Variants in ATXN7 observed in about 807,000 individuals in gnomAD.
ATXN7 encodes ataxin 7.
A neutral mutation model predicts 70.5 loss-of-function variants in ATXN7; 12 were observed. The ratio of observed to expected loss-of-function variants is 0.17; its 90% CI spans 0.11 to 0.28. The LOEUF (loss-of-function observed/expected upper bound fraction) is 0.28. ATXN7 is among the 10% of genes least tolerant of loss of function. ATXN7 has a pLI of 1.00. For synonymous variants in ATXN7, 498 were observed against 448.7 expected (o/e 1.11, Z -1.39); for missense variants, 1,256 against 1,131.7 (o/e 1.11, Z -1.58).
intron 5 of ATXN7, among the ~76,000 whole-genome samples, chr3:63,974,507 C>T (rs1053124849): frequency 6.6e-6 from 1 of 152,236 alleles, no homozygotes; most frequent in African/African-American, 2.4e-5. Flanking sequence ...TGGAGTCAGC[C>T]TGCCTGGGAT....
chr3:63,943,440 G>T (rs994560942), intron 4 of ATXN7, among the ~76,000 whole-genome samples: 4 of 152,190 alleles, frequency 2.6e-5, no homozygotes, highest in Non-Finnish European at 4.4e-5. Context: ...TGTAGAGTGG[G>T]CCCTGGTAAG....
chr3:63,916,425 C>A (rs73834137), intron 4 of ATXN7, among the ~76,000 whole-genome samples: 2 of 152,194 alleles, frequency 1.3e-5, no homozygotes, highest in African/African-American at 4.8e-5. Flanking sequence ...ATCATTTACA[C>A]GTCCCCACCC....
At chr3:63,875,003 T>A (rs531470729) in intron 1 of ATXN7, among the ~76,000 whole-genome samples, 2 of 152,200 alleles carry the variant, frequency 1.3e-5, no homozygotes, top group Admixed American at 1.3e-4. Flanking sequence ...CCTGGACCTC[T>A]TTCGTAATGG....
intron 5 of ATXN7, among the ~76,000 whole-genome samples, chr3:63,977,645 G>C (rs1337222060): frequency 6.6e-6 from 1 of 152,156 alleles, no homozygotes; most frequent in Non-Finnish European, 1.5e-5. Flanking sequence ...GAGGTGCCCT[G>C]CTTCACTCTG....
chr3:63,951,568 T>G (rs992098182), intron 4 of ATXN7, among the ~76,000 whole-genome samples: 3 of 152,262 alleles, frequency 2.0e-5, no homozygotes, highest in Non-Finnish European at 4.4e-5. Flanking sequence ...AAAAGTTAGA[T>G]TCTGGATCTG....
At chr3:63,871,428 C>CTTGG (rs1274853939) in intron 1 of ATXN7, among the ~76,000 whole-genome samples, 1 of 151,974 alleles carries the variant, frequency 6.6e-6, no homozygotes, top group Non-Finnish European at 1.5e-5. Flanking sequence ...GCAATATGAA[C>CTTGG]CCAAAGTCAT....
At chr3:63,958,845 A>G (rs1342277535) in intron 5 of ATXN7, among the ~76,000 whole-genome samples, 1 of 152,200 alleles carries the variant, frequency 6.6e-6, no homozygotes, top group Non-Finnish European at 1.5e-5. Context: ...TCATTCACAC[A>G]GATAAAATAT....
chr3:63,876,581 A>G (rs979201855), intron 1 of ATXN7, among the ~76,000 whole-genome samples: 59 of 152,214 alleles, frequency 3.9e-4, no homozygotes, highest in Non-Finnish European at 3.5e-4. Flanking sequence ...ATTATAGATT[A>G]TGAGGAAAGC....
At chr3:63,887,369 C>T (rs1703120614) in intron 1 of ATXN7, among the ~76,000 whole-genome samples, 1 of 152,046 alleles carries the variant, frequency 6.6e-6, no homozygotes, top group African/African-American at 2.4e-5. Flanking sequence ...TTAATTTAGC[C>T]AGAGAGATGT....
chr3:63,906,624 T>C (rs1703848262), intron 2 of ATXN7, among the ~76,000 whole-genome samples: 1 of 152,208 alleles, frequency 6.6e-6, no homozygotes, highest in Non-Finnish European at 1.5e-5. Context: ...AGTTCCCATG[T>C]ATGTGCTTAG....
chr3:63,912,377 C>A (rs564169798), intron 2 of ATXN7, among the ~76,000 whole-genome samples: 1 of 151,334 alleles, frequency 6.6e-6, no homozygotes, highest in East Asian at 2.0e-4. Flanking sequence ...CCGCGGGAGT[C>A]GAAAGCGAAA....
At chr3:63,966,955 TTTG>T (rs1248661414) in intron 5 of ATXN7, among the ~76,000 whole-genome samples, 3 of 152,210 alleles carry the variant, frequency 2.0e-5, no homozygotes, top group Non-Finnish European at 4.4e-5. Context: ...GTGGGGATTT[TTTG>T]TTGTTGTTTT....
intron 5 of ATXN7, among the ~76,000 whole-genome samples, chr3:63,957,957 C>T (rs1473220315): frequency 6.6e-6 from 1 of 151,964 alleles, no homozygotes; most frequent in South Asian, 2.1e-4. Context: ...AAGACAAATA[C>T]CCTTTGTCAC....
intron 4 of ATXN7, among the ~76,000 whole-genome samples, chr3:63,945,292 C>T (rs548787563): frequency 4.5e-4 from 69 of 152,290 alleles, no homozygotes; most frequent in African/African-American, 1.6e-3. Context: ...GAAGAGTAGA[C>T]GTTTGAATAC....
intron 5 of ATXN7, among the ~76,000 whole-genome samples, chr3:63,957,592 T>G (rs2075060491): frequency 6.6e-6 from 1 of 152,212 alleles, no homozygotes; most frequent in Admixed American, 6.5e-5. Flanking sequence ...AAAAGAAAAT[T>G]ATTTAATTTT....
intron 5 of ATXN7, among the ~76,000 whole-genome samples, chr3:63,963,652 C>T (rs1029932418): frequency 1.2e-4 from 19 of 152,200 alleles, no homozygotes; most frequent in Admixed American, 1.0e-3. Flanking sequence ...AACAATACCT[C>T]ATGTAAATCC....
chr3:63,893,850 A>G (rs1187946579), intron 1 of ATXN7, among the ~76,000 whole-genome samples: 1 of 152,180 alleles, frequency 6.6e-6, no homozygotes, highest in African/African-American at 2.4e-5. Context: ...GAGGTTGTGT[A>G]TAGAGTTTCA....
At chr3:63,910,617 A>C (rs901422030) in intron 2 of ATXN7, among the ~76,000 whole-genome samples, 1 of 151,972 alleles carries the variant, frequency 6.6e-6, no homozygotes, top group Non-Finnish European at 1.5e-5. Context: ...TATATGTTTT[A>C]CTCCTGTGCA....
chr3:63,894,088 T>A (rs1450093188), intron 1 of ATXN7, among the ~76,000 whole-genome samples: 1 of 152,196 alleles, frequency 6.6e-6, no homozygotes, highest in Non-Finnish European at 1.5e-5. Context: ...ACAGTATAGT[T>A]TTGGGGACAC....
Sources: gnomAD v4.1 joint callset for allele counts (sites outside exome capture counted in the v4.1 genomes callset) on GRCh38, gnomAD v4.1.1 for gene constraint, MANE v1.5 for transcripts, NCBI Gene and HGNC (gene_info 2026-07-23, HGNC 2026-07-21) for gene names.